The following ZMIZ1 variants were observed in gnomAD, a reference collection of about 807,000 sequenced individuals.
The protein encoded by ZMIZ1 is zinc finger MIZ domain-containing protein 1.
ZMIZ1 carries 17 observed loss-of-function variants against 113.9 expected under a neutral mutation model. That is an observed-to-expected ratio of 0.15 (90% confidence interval 0.10 to 0.22). The LOEUF is 0.22. Among genes scored for constraint, ZMIZ1 ranks in the 10% least tolerant of loss-of-function variants. The pLI, the probability that ZMIZ1 is intolerant of heterozygous loss-of-function variation, is 1.00. For synonymous variants in ZMIZ1, 607 were observed against 603.1 expected, an observed-to-expected ratio of 1.01 and a Z score of -0.09; for missense variants, 1,059 against 1,477.8, an observed-to-expected ratio of 0.72 and a Z score of 4.65.
In ZMIZ1 at chr10:79,241,978, A is replaced by T. The variant is rs560704143; in HGVS notation, c.280+25704A>T. Among the ~76,000 whole-genome samples the T allele has an allele frequency of 2.6e-5, 4 of 152,062 alleles. No individual in the cohort carries two copies. The South Asian group carries it at 8.3e-4, about 32-fold the overall frequency. On this transcript the variant is annotated intron_variant, in intron 7 of 24. Coordinates refer to ENST00000334512, the MANE Select transcript of ZMIZ1 (RefSeq NM_020338.4). ...TGATGGGGACTCACTTACCTTCCTA[A>T]GTGTTTGGGGCAGTTAGGTCACCAC...
intron 3 of ZMIZ1, among the ~76,000 whole-genome samples, chr10:79,151,175 GC>G (rs901960172): frequency 1.3e-5 from 2 of 152,124 alleles, no homozygotes; most frequent in Non-Finnish European, 2.9e-5. Context: ...GAGCAGCCAA[GC>G]CCCTGCCATG....
chr10:79,232,933 G>A (rs1412689967), intron 7 of ZMIZ1, among the ~76,000 whole-genome samples: 1 of 152,208 alleles, frequency 6.6e-6, no homozygotes, highest in Non-Finnish European at 1.5e-5. Flanking sequence ...CTAAGTGATA[G>A]GAAGTACTGA....
At chr10:79,278,017 A>C (rs1852413409) in intron 8 of ZMIZ1, among the ~76,000 whole-genome samples, 1 of 152,230 alleles carries the variant, frequency 6.6e-6, no homozygotes, top group South Asian at 2.1e-4. Context: ...GGTCATTTGC[A>C]GTCAGAGCTC....
At chr10:79,233,421 G>A (rs1849473162) in intron 7 of ZMIZ1, among the ~76,000 whole-genome samples, 1 of 152,212 alleles carries the variant, frequency 6.6e-6, no homozygotes, top group Admixed American at 6.5e-5. Flanking sequence ...CCCGTAGATG[G>A]CACCTTCTGG....
chr10:79,293,437 G>C lies in ZMIZ1; in HGVS notation c.1014G>C (p.Gly338=). Residue 338 remains glycine, a synonymous_variant, in exon 12 of 25, where the codon GGG becomes GGC. Transcript: ENST00000334512. ...TCATGAACCAGCCCGGGCCGCGGGG[G>C]CCTGCCTCCATGGGGGGCAGCATGA... ...SQFMNQPGPR[G]PASMGGSMNP... is the part of the protein sequence containing the mutation. The C allele has an allele frequency of 6.5e-7, 1 of 1,531,752 alleles. No homozygotes were observed. Among genetic ancestry groups the C allele is most frequent in the Non-Finnish European group, 8.8e-7 (1 of 1,139,872 alleles). The allele number at this position is 1,531,752 out of a possible 1,614,324, so 94.9% of individuals were successfully genotyped here.
At position 79,314,238 on chromosome 10, in the gene ZMIZ1, G is replaced by C. The variant is rs904729485; in HGVS notation, c.*1489G>C. 2.2e-6 allele frequency: 1 copy of C among 456,954 alleles called. No homozygotes were observed. Among genetic ancestry groups the C allele is most frequent in the African/African-American group, 2.0e-5 (1 of 50,102 alleles). The allele number at this position is 456,954 out of a possible 1,614,324, so 28.3% of individuals were successfully genotyped here. On this transcript the variant is annotated 3_prime_UTR_variant, in exon 25 of 25. Transcript: ENST00000334512. ...TGTTTCAGGCTGGTCTGTGCCCCGT[G>C]AGCCACATGGCCTAGGGTGATGCCA... is the stretch of plus-strand genomic sequence containing the variant.
chr10:79,186,715 G>A (rs767006751), intron 4 of ZMIZ1, among the ~76,000 whole-genome samples: 39 of 152,192 alleles, frequency 2.6e-4, no homozygotes, highest in Admixed American at 2.5e-3. Context: ...GCGTGAGCAG[G>A]GAATCACTTA....
chr10:79,087,046 A>C (rs1035922658), intron 1 of ZMIZ1, among the ~76,000 whole-genome samples: 2 of 152,230 alleles, frequency 1.3e-5, no homozygotes, highest in African/African-American at 2.4e-5. Flanking sequence ...TTAACTTCTT[A>C]GTGTGTTAGA....
At chr10:79,142,423 G>C (rs185173335) in intron 3 of ZMIZ1, among the ~76,000 whole-genome samples, 233 of 152,212 alleles carry the variant, frequency 1.5e-3, no homozygotes, top group African/African-American at 5.4e-3. Context: ...GGGAGTGAGT[G>C]GATAAGGGGT....
chr10:79,159,059 G>A (rs1382383527), intron 3 of ZMIZ1, among the ~76,000 whole-genome samples: 3 of 152,218 alleles, frequency 2.0e-5, no homozygotes, highest in African/African-American at 4.8e-5. Context: ...TGTGCTGAGG[G>A]TGCCTGGGAG....
chr10:79,229,306 G>A (rs963003304), intron 7 of ZMIZ1, among the ~76,000 whole-genome samples: 1 of 152,220 alleles, frequency 6.6e-6, no homozygotes, highest in Non-Finnish European at 1.5e-5. Flanking sequence ...CCTCCTTGCC[G>A]GCTGCCTGTG....
At chr10:79,220,011 G>C (rs79385174) in intron 7 of ZMIZ1, among the ~76,000 whole-genome samples, 6,920 of 152,250 alleles carry the variant, frequency 0.045, 318 homozygotes, top group East Asian at 0.21. Flanking sequence ...GAGGGGTGAA[G>C]GACCTGCCAG....
intron 1 of ZMIZ1, among the ~76,000 whole-genome samples, chr10:79,071,725 G>T (rs962313165): frequency 2.0e-5 from 3 of 152,154 alleles, no homozygotes; most frequent in African/African-American, 4.8e-5. Flanking sequence ...TGAAACATCA[G>T]CATCAAACAA....
At position 79,069,767 on chromosome 10, in the gene ZMIZ1, T is replaced by G. The variant is rs1842190939; in HGVS notation, c.-337+497T>G. Among the ~76,000 whole-genome samples the G allele has an allele frequency of 6.6e-6, 1 of 152,104 alleles. No individual in the cohort carries two copies. Among genetic ancestry groups the G allele is most frequent in the African/African-American group, 2.4e-5 (1 of 41,438 alleles). On this transcript the variant is annotated intron_variant, in intron 1 of 24. Transcript: ENST00000334512. The surrounding 1 kb of genome is among the most constrained non-coding windows in gnomAD (Gnocchi z 4.6). ...TCAGGATGGCAAGGGGTGGTGGTGT[T>G]AACTTGTGCGTCTGAATTTCCAGGG...
chr10:79,301,222 T>G (rs181954593), intron 17 of ZMIZ1, among the ~76,000 whole-genome samples: 1 of 152,274 alleles, frequency 6.6e-6, no homozygotes, highest in Admixed American at 6.5e-5. Context: ...ATGCTTCCGA[T>G]TCACCCCTCC....
chr10:79,073,204 G>A (rs1420162661), intron 1 of ZMIZ1, among the ~76,000 whole-genome samples: 1 of 152,224 alleles, frequency 6.6e-6, no homozygotes, highest in Non-Finnish European at 1.5e-5. Flanking sequence ...TCTGTAAAAT[G>A]GGTCTGAGGG....
At chr10:79,153,762 A>G (rs1267335647) in intron 3 of ZMIZ1, among the ~76,000 whole-genome samples, 1 of 152,196 alleles carries the variant, frequency 6.6e-6, no homozygotes, top group East Asian at 1.9e-4. Flanking sequence ...GCCGGCCAGG[A>G]TTTCATCCAG....
intron 4 of ZMIZ1, among the ~76,000 whole-genome samples, chr10:79,181,476 A>G (rs558280801): frequency 6.6e-6 from 1 of 152,206 alleles, no homozygotes; most frequent in Non-Finnish European, 1.5e-5. Flanking sequence ...GGGCGGAGGC[A>G]TCCCAGGGGC....
At chr10:79,206,653 G>A (rs1051326281) in intron 5 of ZMIZ1, among the ~76,000 whole-genome samples, 5 of 152,220 alleles carry the variant, frequency 3.3e-5, no homozygotes, top group Admixed American at 6.5e-5. Context: ...GGCTGAGAGC[G>A]GCCACATGCA....
Sources: allele counts gnomAD v4.1 joint callset (sites outside exome capture counted in the v4.1 genomes callset), GRCh38; gene constraint gnomAD v4.1.1; non-coding constraint Gnocchi (gnomAD v3.1); transcripts MANE v1.5; gene names NCBI Gene and HGNC (gene_info 2026-07-23, HGNC 2026-07-21).